The following RABGAP1L variants were observed in gnomAD, a reference collection of about 807,000 sequenced individuals.
The protein encoded by RABGAP1L is RAB GTPase activating protein 1 like.
RABGAP1L carries 63 observed loss-of-function variants against 137.7 expected under a neutral mutation model. The ratio of observed to expected loss-of-function variants is 0.46; its 90% CI spans 0.37 to 0.56. RABGAP1L has a LOEUF of 0.56. Ranked by LOEUF, RABGAP1L falls within the 20% of genes least tolerant of loss-of-function variation. The pLI is 0.00. For synonymous variants in RABGAP1L, 431 were observed against 433.7 expected (o/e 0.99, Z 0.08); for missense variants, 1,095 against 1,244.0 (o/e 0.88, Z 1.80).
chr1:174,913,813 G>A (rs1660427981), intron 19 of RABGAP1L, among the ~76,000 whole-genome samples: 1 of 152,122 alleles, frequency 6.6e-6, no homozygotes, highest in Non-Finnish European at 1.5e-5. Context: ...GCCAGTGTTT[G>A]TATGCAATAA....
At chr1:174,907,009 C>T (rs572295474) in intron 19 of RABGAP1L, among the ~76,000 whole-genome samples, 9 of 151,938 alleles carry the variant, frequency 5.9e-5, no homozygotes, top group Admixed American at 2.0e-4. Flanking sequence ...TCATTCACCA[C>T]CACCGGGCTT....
At position 174,534,122 on chromosome 1, in the gene RABGAP1L, G is replaced by C. The variant is rs1664675096; in HGVS notation, c.1711-103253G>C. The stretch of plus-strand genomic sequence containing the variant: ...AGTGCCCCAACTCCTGCATTGTTCA[G>C]AGGTCAACTCTGTGTGTGTGTGTGT... On this transcript the variant is annotated intron_variant, in intron 13 of 25. Coordinates refer to ENST00000681986, the MANE Select transcript of RABGAP1L (RefSeq NM_001366446.1). Among the ~76,000 whole-genome samples, 3 of 145,844 alleles carry C rather than the reference G, an allele frequency of 2.1e-5. No individual in the cohort carries two copies. The Admixed American group carries it at 2.1e-4, about 10-fold the overall frequency.
intron 13 of RABGAP1L, among the ~76,000 whole-genome samples, chr1:174,454,226 G>C (rs1278796852): frequency 6.6e-6 from 1 of 151,804 alleles, no homozygotes; most frequent in Non-Finnish European, 1.5e-5. Flanking sequence ...TCGCACCACT[G>C]CACTCCAGCC....
chr1:174,823,466 T>C (rs1691247870), intron 19 of RABGAP1L, among the ~76,000 whole-genome samples: 1 of 152,216 alleles, frequency 6.6e-6, no homozygotes, highest in Non-Finnish European at 1.5e-5. Context: ...TAAAGTGTGC[T>C]TCATGATTTG....
chr1:174,512,271 A>G (rs559553386), intron 13 of RABGAP1L, among the ~76,000 whole-genome samples: 3 of 152,300 alleles, frequency 2.0e-5, no homozygotes, highest in South Asian at 4.1e-4. Context: ...ATTCATGGTG[A>G]TAGCTAATAA....
chr1:174,982,556 A>C (rs538188742), intron 23 of RABGAP1L, among the ~76,000 whole-genome samples: 1 of 152,378 alleles, frequency 6.6e-6, no homozygotes, highest in South Asian at 2.1e-4. Flanking sequence ...GAGGCCAGGA[A>C]TTCACTTGAA....
intron 1 of RABGAP1L, among the ~76,000 whole-genome samples, chr1:174,184,974 G>A (rs1666689044): frequency 6.6e-6 from 1 of 152,168 alleles, no homozygotes; most frequent in African/African-American, 2.4e-5. Flanking sequence ...TAAGTGGTGT[G>A]GGAGGTGTTT....
At chr1:174,277,847 G>C (rs1369801571) in intron 9 of RABGAP1L, among the ~76,000 whole-genome samples, 2 of 151,976 alleles carry the variant, frequency 1.3e-5, no homozygotes, top group Admixed American at 1.3e-4. Context: ...AGTTTCTCTT[G>C]AATTGGCAGG....
chr1:174,349,954 G>A (rs1247170350), intron 11 of RABGAP1L, among the ~76,000 whole-genome samples: 1 of 129,736 alleles, frequency 7.7e-6, no homozygotes, highest in Non-Finnish European at 1.7e-5. Flanking sequence ...CTGGCCGGGT[G>A]GGGGGGCTGA....
chr1:174,438,779 A>G (rs796489585), intron 13 of RABGAP1L, among the ~76,000 whole-genome samples: 3 of 71,836 alleles, frequency 4.2e-5, no homozygotes, highest in African/African-American at 6.6e-5. Flanking sequence ...TATATATATG[A>G]CTTTTTAATT....
At chr1:174,463,226 G>T (rs573905312) in intron 13 of RABGAP1L, among the ~76,000 whole-genome samples, 12 of 151,916 alleles carry the variant, frequency 7.9e-5, no homozygotes, top group Non-Finnish European at 1.8e-4. Flanking sequence ...TGTTTATTGC[G>T]GCACTATTCA....
intron 13 of RABGAP1L, among the ~76,000 whole-genome samples, chr1:174,605,623 GT>G (rs1428217269): frequency 2.6e-5 from 4 of 152,044 alleles, no homozygotes; most frequent in Admixed American, 6.5e-5. Context: ...GGTCACAAAA[GT>G]TTTGGCACCC....
intron 19 of RABGAP1L, among the ~76,000 whole-genome samples, chr1:174,886,506 C>G (rs753854374): frequency 6.6e-6 from 1 of 152,204 alleles, no homozygotes; most frequent in Non-Finnish European, 1.5e-5. Context: ...GCCCTCTTAT[C>G]CGACACAGTC....
chr1:174,816,070 C>T (rs562925069), intron 19 of RABGAP1L, among the ~76,000 whole-genome samples: 1 of 150,960 alleles, frequency 6.6e-6, no homozygotes, highest in East Asian at 2.0e-4. Flanking sequence ...GCTTCAGAGA[C>T]TCTGAATTAC....
At chr1:174,474,681 C>T (rs1658305527) in intron 13 of RABGAP1L, among the ~76,000 whole-genome samples, 1 of 152,168 alleles carries the variant, frequency 6.6e-6, no homozygotes, top group Non-Finnish European at 1.5e-5. Context: ...TAGCTCACTG[C>T]AACCTCCTCC....
chr1:174,901,681 C>T (rs752848391), intron 19 of RABGAP1L, among the ~76,000 whole-genome samples: 9 of 152,162 alleles, frequency 5.9e-5, no homozygotes, highest in Non-Finnish European at 8.8e-5. Flanking sequence ...GTCATTTCAG[C>T]CATCTCAGCC....
At chr1:174,755,171 T>G (rs1008677074) in intron 18 of RABGAP1L, among the ~76,000 whole-genome samples, 5 of 152,182 alleles carry the variant, frequency 3.3e-5, no homozygotes, top group African/African-American at 1.2e-4. Context: ...TCAGTTAGGT[T>G]TTAAAGACAC....
At chr1:174,622,764 T>G (rs556996082) in intron 13 of RABGAP1L, among the ~76,000 whole-genome samples, 1 of 152,144 alleles carries the variant, frequency 6.6e-6, no homozygotes, top group Admixed American at 6.5e-5. Flanking sequence ...AAATGACGAG[T>G]TAATGGGTGC....
Position 174,173,962 on chromosome 1 carries a change from A to G in RABGAP1L, c.-34+14305A>G, listed in dbSNP as rs540791987. On this transcript the variant is annotated intron_variant, in intron 1 of 25. Coordinates refer to ENST00000681986, the MANE Select transcript of RABGAP1L (RefSeq NM_001366446.1). ...AGTGGCAGTACCTCATCTCTCTGAA[A>G]CATTACAAAAGCCCCCAAATAGTTG... is the stretch of plus-strand genomic sequence containing the variant. 3.3e-5 allele frequency among the ~76,000 whole-genome samples: 5 copies of G among 151,302 alleles called. No individual in the cohort carries two copies. The South Asian group carries it at 1.0e-3, about 31-fold the overall frequency.
Sources: gnomAD v4.1 joint callset for allele counts (sites outside exome capture counted in the v4.1 genomes callset) on GRCh38, gnomAD v4.1.1 for gene constraint, MANE v1.5 for transcripts, NCBI Gene and HGNC (gene_info 2026-07-23, HGNC 2026-07-21) for gene names.